Variants in DAZL observed in about 807,000 individuals in gnomAD.
The protein encoded by DAZL is deleted in azoospermia-like.
DAZL carries 4 observed loss-of-function variants against 45.0 expected under a neutral mutation model. That is an observed-to-expected ratio of 0.09 (90% CI 0.04 to 0.20). The LOEUF is 0.20. Among genes scored for constraint, DAZL ranks in the 10% least tolerant of loss-of-function variants. The pLI, the probability that DAZL is intolerant of heterozygous loss-of-function variation, is 1.00. For synonymous variants in DAZL, 122 were observed against 112.4 expected (o/e 1.09, Z -0.54); for missense variants, 326 against 351.3 (o/e 0.93, Z 0.58).
chr3:16,598,660 A>G, intron 1 of DAZL, 62 bp from the exon 2 acceptor site: 1 of 1,497,070 alleles, frequency 6.7e-7, no homozygotes, highest in Non-Finnish European at 8.9e-7. Flanking sequence ...CATAATGTGA[A>G]ATATAATTTT....
intron 1 of DAZL, chr3:16,604,382 A>T: frequency 7.0e-7 from 1 of 1,429,132 alleles, no homozygotes; most frequent in Admixed American, 2.0e-5. Flanking sequence ...GAGAGGGAAA[A>T]AACCGTACCC....
chr3:16,592,119 C>A lies in DAZL; in HGVS notation c.765G>T (p.Val255=). Residue 255 remains valine, a synonymous_variant, in exon 10 of 11, where the codon GTG becomes GTT. Transcript: ENST00000399444. The part of the protein sequence containing the change: ...KKSVDRSIQT[V]VSCLFNPENR... ...TCTCTGGATTAAACAGACAAGATAC[C>A]ACCGTTTGTATGCTTCGGTCCACAG... The A allele has an allele frequency of 1.2e-6, 2 of 1,613,548 alleles. No homozygotes were observed. Among genetic ancestry groups the A allele is most frequent in the Non-Finnish European group, 1.7e-6 (2 of 1,179,862 alleles).
chr3:16,598,248 G>A (rs1444846995), intron 2 of DAZL, 70 bp from the exon 3 acceptor site: 15 of 1,439,256 alleles, frequency 1.0e-5, no homozygotes, highest in Non-Finnish European at 1.4e-5. Context: ...CTAAAAGAAG[G>A]TTCGATGATG....
chr3:16,594,479 A>C, intron 8 of DAZL, 54 bp downstream of exon 8: 1 of 1,189,008 alleles, frequency 8.4e-7, no homozygotes, highest in Non-Finnish European at 1.2e-6. Context: ...ATAGTTAAAC[A>C]AAAAAAAATA....
rs756153374 is a variant in DAZL at position 16,594,576 on chromosome 3, G to A, written c.578C>T (p.Pro193Leu). 3.8e-6 allele frequency: 6 copies of A among 1,563,880 alleles called. No homozygotes were observed. In the African/African-American group the frequency reaches 4.3e-5, roughly 11 times the overall value. ...QLPVYNYQMP[P>L]QWPVGEQRSY... The stretch of plus-strand genomic sequence containing the variant: ...CCTTTGCTCCCCAACAGGCCACTGT[G>A]GTGGCATCTTAAAAAAAAAAAAAAG... Residue 193 changes from proline (P) to leucine (L), a missense_variant, in exon 8 of 11, where the codon CCA becomes CTA. By Grantham distance (98) the Pro-to-Leu change is moderately conservative. Around this residue, in one of 3 missense-constraint regions of DAZL, gnomAD observed 227 missense variants for 216.6 expected, o/e 1.05. Transcript: ENST00000399444.
intron 1 of DAZL, among the ~76,000 whole-genome samples, chr3:16,600,727 T>C (rs1414280764): frequency 6.6e-6 from 1 of 152,188 alleles, no homozygotes; most frequent in Admixed American, 6.5e-5. Flanking sequence ...GGATGAACTT[T>C]GGATATGTTT....
At chr3:16,591,985 G>T in intron 10 of DAZL, 65 bp downstream of exon 10, 1 of 1,539,018 alleles carries the variant, frequency 6.5e-7, no homozygotes, top group Non-Finnish European at 9.0e-7. Flanking sequence ...TATACCACAA[G>T]GAAAACAGAT....
chr3:16,603,000 T>C (rs908485560), intron 1 of DAZL, among the ~76,000 whole-genome samples: 15 of 152,228 alleles, frequency 9.9e-5, no homozygotes, highest in African/African-American at 2.9e-4. Context: ...ATCAACTTCA[T>C]TGATGATTTT....
intron 10 of DAZL, among the ~76,000 whole-genome samples, chr3:16,591,433 A>T (rs1234831581): frequency 7.0e-6 from 1 of 143,762 alleles, no homozygotes; most frequent in Non-Finnish European, 1.5e-5. Flanking sequence ...ATATGCATGT[A>T]TTTTTTTTTT....
chr3:16,593,624 G>A, intron 9 of DAZL, 31 bp downstream of exon 9: 1 of 1,314,186 alleles, frequency 7.6e-7, no homozygotes, highest in Non-Finnish European at 1.1e-6. Flanking sequence ...AAATAAATAT[G>A]AAATATATAT....
chr3:16,603,291 C>A (rs1236873617), intron 1 of DAZL, among the ~76,000 whole-genome samples: 2 of 152,112 alleles, frequency 1.3e-5, no homozygotes, highest in South Asian at 2.1e-4. Flanking sequence ...TACAGCAATT[C>A]ATCTCAAGGA....
rs555581730 is a variant in DAZL at position 16,596,906 on chromosome 3, A to G, written c.359-17T>C. ...GATAAGCACCTTTTTGAAAAGCAAA[A>G]AGAAAAGGCCTATTTTTAGTTCTTT... On this transcript the variant is annotated splice_polypyrimidine_tract_variant and intron_variant, in intron 5 of 10. Transcript: ENST00000399444. The G allele has an allele frequency of 1.2e-6, 2 of 1,613,812 alleles. No individual in the cohort carries two copies. The highest frequency in any genetic ancestry group is 2.2e-5 in the South Asian group (2 of 91,066).
At chr3:16,591,086 TC>T (rs1205241105) in intron 10 of DAZL, among the ~76,000 whole-genome samples, 1 of 152,176 alleles carries the variant, frequency 6.6e-6, no homozygotes, top group Non-Finnish European at 1.5e-5. Flanking sequence ...AATATTTCTC[TC>T]CCATTGGACT....
intron 2 of DAZL, 45 bp downstream of exon 2, chr3:16,598,407 A>T (rs1028541733): frequency 1.7e-5 from 27 of 1,597,946 alleles, no homozygotes; most frequent in Non-Finnish European, 2.2e-5. Context: ...AAATCCCATT[A>T]TTCATAATGC....
intron 1 of DAZL, 152 bp downstream of exon 1, chr3:16,605,051 A>G (rs1256793295): frequency 4.6e-6 from 5 of 1,089,548 alleles, no homozygotes; most frequent in Non-Finnish European, 7.1e-6. Flanking sequence ...GCCTCTCCCA[A>G]CTCTGTGGGC....
chr3:16,603,869 T>A (rs1386964255), intron 1 of DAZL, among the ~76,000 whole-genome samples: 1 of 152,104 alleles, frequency 6.6e-6, no homozygotes, highest in Non-Finnish European at 1.5e-5. Flanking sequence ...ATCTAGAAGG[T>A]CATACATGTA....
chr3:16,594,546 T>G lies in DAZL; in HGVS notation c.608A>C (p.Tyr203Ser), dbSNP rs766683703. The change falls in exon 8 of 11, where the codon TAT becomes TCT. Residue 203 changes from tyrosine to serine, a missense_variant. Tyr to Ser is a moderately radical substitution (Grantham distance 144, BLOSUM62 -2). This residue lies in a region of DAZL where 227 missense variants were observed against 216.6 expected (regional missense o/e 1.05). Transcript: ENST00000399444. ...PQWPVGEQRS[Y>S]VVPPAYSAVN... ...AATTCACTTTACCGGAGGTACAACA[T>G]AGCTCCTTTGCTCCCCAACAGGCCA... 1 of 1,595,218 alleles carries G rather than the reference T, an allele frequency of 6.3e-7. No homozygotes were observed. The highest frequency in any genetic ancestry group is 1.2e-5 in the South Asian group (1 of 86,014).
At position 16,586,906 on chromosome 3, in the gene DAZL, T is replaced by C. The variant is rs1694446223; in HGVS notation, c.*1754A>G. Reference sequence around the variant, plus strand: ...TTCCATTTTGAAAGGTTCAGGACTTTATCTTTTTTACCCTTACTCTTTTAA... The same window carrying C: ...TTCCATTTTGAAAGGTTCAGGACTTCATCTTTTTTACCCTTACTCTTTTAA... On this transcript the variant is annotated 3_prime_UTR_variant, in exon 11 of 11. Transcript: ENST00000399444. 1.3e-5 allele frequency: 2 copies of C among 152,220 alleles called. No homozygotes were observed. Among genetic ancestry groups the C allele is most frequent in the African/African-American group, 4.8e-5 (2 of 41,462 alleles). The allele number at this position is 152,220 out of a possible 1,614,324, so 9.4% of individuals were successfully genotyped here. A position where few individuals can be genotyped will look rare whatever the true frequency, so the allele number is the denominator to read the frequency against.
chr3:16,592,693 G>C (rs1329971346), intron 9 of DAZL, among the ~76,000 whole-genome samples: 3 of 152,100 alleles, frequency 2.0e-5, no homozygotes, highest in Non-Finnish European at 4.4e-5. Flanking sequence ...GGTTTAAAAA[G>C]CTGAATTTGT....
Sources: gnomAD v4.1 joint callset for allele counts (sites outside exome capture counted in the v4.1 genomes callset) on GRCh38, gnomAD v4.1.1 for gene constraint, gnomAD v4.1.1 regional missense constraint, MANE v1.5 for transcripts, NCBI Gene and HGNC (gene_info 2026-07-23, HGNC 2026-07-21) for gene names.